SLIRP: variants seen among roughly 807,000 people sequenced by gnomAD.
SLIRP encodes the protein SRA stem-loop interacting RNA binding protein.
Under a neutral mutation model 13.4 loss-of-function variants are expected in SLIRP, and 12 were observed. The ratio of observed to expected loss-of-function variants is 0.89; its 90% CI spans 0.57 to 1.45. SLIRP has a LOEUF of 1.45. Among genes scored for constraint, SLIRP ranks in the 40% most tolerant of loss-of-function variants. The pLI is 0.00. For synonymous variants in SLIRP, 55 were observed against 47.1 expected, an observed-to-expected ratio of 1.17 and a Z score of -0.69; for missense variants, 154 against 132.2, an observed-to-expected ratio of 1.17 and a Z score of -0.81.
chr14:77,710,508 A>G (rs1076496), intron 1 of SLIRP: 365,624 of 1,126,136 alleles, frequency 0.32, 63,603 homozygotes, highest in East Asian at 0.51. Context: ...ACCGGGAAAC[A>G]CACTGGATTG....
At chr14:77,715,699 G>A (rs1328111883) in intron 2 of SLIRP, 73 bp from the exon 3 acceptor site, 2 of 1,237,834 alleles carry the variant, frequency 1.6e-6, no homozygotes. Flanking sequence ...GAAAAAGTTG[G>A]TAGTTTGATT....
chr14:77,710,448 A>G, intron 1 of SLIRP: 1 of 602,656 alleles, frequency 1.7e-6, no homozygotes, highest in Non-Finnish European at 2.7e-6. Context: ...ACATTTTACT[A>G]AATTGTGAAA....
chr14:77,708,206 C>A lies in SLIRP; in HGVS notation c.95C>A (p.Ser32Ter). ...FVRRIPWTAA[S>*]SQLKEHFAQF... ...AGAAGAATTCCTTGGACTGCGGCGTCGAGTGAGTGATGGAGATGTGGGAGT... is the reference window on the plus strand; with the variant it reads ...AGAAGAATTCCTTGGACTGCGGCGTAGAGTGAGTGATGGAGATGTGGGAGT... Residue 32 changes from serine (S) to a stop codon, truncating the protein, a stop_gained and splice_region_variant, in exon 1 of 4, where the codon TCG (serine) becomes TAG (stop). Transcript: ENST00000557342. LOFTEE classifies it high-confidence loss of function. 7 of 1,614,032 alleles carry A rather than the reference C, an allele frequency of 4.3e-6. No homozygotes were observed. The highest frequency in any genetic ancestry group is 5.1e-6 in the Non-Finnish European group (6 of 1,179,952).
chr14:77,710,808 CTACTTT>C (rs777378646), intron 1 of SLIRP, 24 bp from the exon 2 acceptor site: 1 of 1,613,684 alleles, frequency 6.2e-7, no homozygotes, highest in South Asian at 1.1e-5. Flanking sequence ...AATATAGTAA[CTACTTT>C]TAATGTTTTC....
rs1265373681 is a variant in SLIRP, at chr14:77,710,598, G to C, written c.98-240G>C. ...CACAGTAACTGGTATGAAAACACTC[G>C]ATATTTGCTGAGGATGGAGACTGCA... is the stretch of plus-strand genomic sequence containing the variant. On this transcript the variant is annotated intron_variant, in intron 1 of 3. Coordinates refer to ENST00000557342, the MANE Select transcript of SLIRP (RefSeq NM_031210.6). The C allele has an allele frequency of 2.7e-6, 4 of 1,497,940 alleles. No homozygotes were observed. In the South Asian group the frequency reaches 3.6e-5, roughly 14 times the overall value. 92.8% of individuals were successfully genotyped at this position (1,497,940 alleles called of 1,614,324 possible).
At chr14:77,717,368 G>C (rs187357786) in intron 3 of SLIRP, 128 bp from the exon 4 acceptor site, 13 of 764,626 alleles carry the variant, frequency 1.7e-5, no homozygotes, top group Non-Finnish European at 2.4e-5. Context: ...GAAAACGAAA[G>C]AACAAGGGAC....
chr14:77,712,318 G>T (rs2080446566), intron 2 of SLIRP, among the ~76,000 whole-genome samples: 1 of 148,272 alleles, frequency 6.7e-6, no homozygotes. Context: ...CCTTGCCTAA[G>T]CTGGAGTTGC....
intron 2 of SLIRP, among the ~76,000 whole-genome samples, chr14:77,712,901 CAG>C (rs2080451828): frequency 6.6e-6 from 1 of 152,192 alleles, no homozygotes; most frequent in African/African-American, 2.4e-5. Flanking sequence ...TCTTTAAAGC[CAG>C]CAAGGGCTTC....
At chr14:77,711,985 TAC>T (rs1342771513) in intron 2 of SLIRP, 2 of 152,176 alleles carry the variant, frequency 1.3e-5, no homozygotes, top group African/African-American at 4.8e-5. Flanking sequence ...GTGCCCGGCC[TAC>T]AGTCTTTATT....
chr14:77,714,777 ATT>A (rs1349552023), intron 2 of SLIRP, among the ~76,000 whole-genome samples: 2 of 152,142 alleles, frequency 1.3e-5, no homozygotes, highest in Admixed American at 1.3e-4. Flanking sequence ...CAATTGTAAG[ATT>A]TTGTTTTTTT....
intron 1 of SLIRP, among the ~76,000 whole-genome samples, chr14:77,709,551 TG>T (rs1276895075): frequency 6.6e-6 from 1 of 152,240 alleles, no homozygotes; most frequent in East Asian, 1.9e-4. Flanking sequence ...GTCAGCATTA[TG>T]TACAGCTTCG....
intron 3 of SLIRP, among the ~76,000 whole-genome samples, chr14:77,717,076 TTTCAGGTCAGGCAAGCTGGGGCTGAAA>T (rs1180923330): frequency 1.3e-5 from 2 of 152,140 alleles, no homozygotes; most frequent in Admixed American, 6.5e-5. Flanking sequence ...GCAGTCTGCT[TTTCAGGTCAGGCAAGCTGGGGCTGAAA>T]TCTTGGCTTA....
At chr14:77,709,952 T>G (rs1056210248) in intron 1 of SLIRP, among the ~76,000 whole-genome samples, 3 of 152,144 alleles carry the variant, frequency 2.0e-5, no homozygotes. Flanking sequence ...ACATAGTGGT[T>G]TATATGCTGA....
intron 1 of SLIRP, among the ~76,000 whole-genome samples, chr14:77,710,066 T>C (rs539212529): frequency 6.6e-6 from 1 of 152,300 alleles, no homozygotes; most frequent in African/African-American, 2.4e-5. Context: ...ATAGATATTA[T>C]AAAAAGTAAA....
chr14:77,710,692 C>A, intron 1 of SLIRP, 146 bp from the exon 2 acceptor site: 1 of 1,560,242 alleles, frequency 6.4e-7, no homozygotes, highest in Non-Finnish European at 8.7e-7. Flanking sequence ...TAGTCAGTAC[C>A]ATAGCTGCTT....
intron 1 of SLIRP, among the ~76,000 whole-genome samples, chr14:77,708,524 A>T (rs2080414182): frequency 6.6e-6 from 1 of 152,198 alleles, no homozygotes; most frequent in Non-Finnish European, 1.5e-5. Flanking sequence ...AGGTGGCAAG[A>T]TTGTAGGCGT....
intron 1 of SLIRP, among the ~76,000 whole-genome samples, chr14:77,709,046 A>G (rs1566820575): frequency 6.6e-6 from 1 of 152,236 alleles, no homozygotes; most frequent in Non-Finnish European, 1.5e-5. Context: ...TTTATATGCA[A>G]ACTTCTTAGA....
chr14:77,714,235 G>A (rs115580372), intron 2 of SLIRP, among the ~76,000 whole-genome samples: 1,588 of 152,102 alleles, frequency 0.01, 32 homozygotes, highest in African/African-American at 0.037. Flanking sequence ...TCGAGCTCCC[G>A]CACTCAAGCA....
intron 1 of SLIRP, among the ~76,000 whole-genome samples, chr14:77,710,331 G>C (rs1304563162): frequency 6.6e-6 from 1 of 152,114 alleles, no homozygotes; most frequent in Non-Finnish European, 1.5e-5. Flanking sequence ...TATGCAAAGA[G>C]GGTAACCCGC....
Sources: allele counts gnomAD v4.1 joint callset (sites outside exome capture counted in the v4.1 genomes callset), GRCh38; gene constraint gnomAD v4.1.1; transcripts MANE v1.5; gene names NCBI Gene and HGNC (gene_info 2026-07-23, HGNC 2026-07-21).